LRP1B: variants seen among roughly 807,000 people sequenced by gnomAD.
The protein encoded by LRP1B is LDL receptor related protein 1B.
LRP1B carries 217 observed loss-of-function variants against 556.6 expected under a neutral mutation model. The observed-to-expected ratio is 0.39, with a 90% CI of 0.35 to 0.44. The LOEUF is 0.44. Among genes scored for constraint, LRP1B ranks in the 20% least tolerant of loss-of-function variants. LRP1B has a pLI of 1.00. For synonymous variants in LRP1B, 2,047 were observed against 1,865.8 expected (o/e 1.10, Z -2.50); for missense variants, 5,053 against 5,620.8 (o/e 0.90, Z 3.23).
At chr2:141,052,675 T>C (rs2380922) in intron 10 of LRP1B, among the ~76,000 whole-genome samples, 131,985 of 152,010 alleles carry the variant, frequency 0.87, 57,728 homozygotes, top group Non-Finnish European at 0.92. Context: ...ATGGGAATCC[T>C]GGTTTTACAG....
rs2105090330 is a variant in LRP1B, at chr2:141,480,512, T to C, written c.227A>G (p.Lys76Arg). ...GCAAGCAATGTGATTCAAGGGGCAC[T>C]TGATTTCTACCTCCTCGGGACCTGA... is the stretch of plus-strand genomic sequence containing the variant. ...LDTCPEEVEI[K>R]CPLNHIACLG... Residue 76 changes from lysine to arginine, a missense_variant, in exon 3 of 91, where the codon AAG becomes AGG. By Grantham distance (26) the Lys-to-Arg change is conservative. Coordinates refer to ENST00000389484, the MANE Select transcript of LRP1B (RefSeq NM_018557.3). 1 of 1,613,996 alleles carries C rather than the reference T, an allele frequency of 6.2e-7. No individual in the cohort carries two copies. The highest frequency in any genetic ancestry group is 8.5e-7 in the Non-Finnish European group (1 of 1,179,912).
At chr2:142,059,891 T>C (rs79450356) in intron 1 of LRP1B, among the ~76,000 whole-genome samples, 6,087 of 152,188 alleles carry the variant, frequency 0.04, 407 homozygotes, top group African/African-American at 0.14. Flanking sequence ...TATTTACTTA[T>C]GTGTTAAGTA....
At chr2:140,783,861 T>A (rs11677778) in intron 32 of LRP1B, among the ~76,000 whole-genome samples, 65,383 of 152,030 alleles carry the variant, frequency 0.43, 15,780 homozygotes, top group East Asian at 0.58. Context: ...AGAAGAAGGA[T>A]TACGTGATAA....
chr2:141,567,637 T>C (rs1180618716), intron 2 of LRP1B, among the ~76,000 whole-genome samples: 1 of 151,992 alleles, frequency 6.6e-6, no homozygotes, highest in African/African-American at 2.4e-5. Context: ...ATGACTATTA[T>C]ATGTTAAAAG....
intron 3 of LRP1B, among the ~76,000 whole-genome samples, chr2:141,344,776 G>T (rs552724404): frequency 6.6e-6 from 1 of 152,222 alleles, no homozygotes; most frequent in East Asian, 1.9e-4. Context: ...AGTGAATTAT[G>T]AATGAATACA....
chr2:141,510,877 A>AACGC (rs1684102850), intron 2 of LRP1B, among the ~76,000 whole-genome samples: 1 of 141,258 alleles, frequency 7.1e-6, no homozygotes, highest in Non-Finnish European at 1.5e-5. Flanking sequence ...TCCTTGTCTA[A>AACGC]ACACACACAC....
intron 12 of LRP1B, 86 bp from the exon 13 acceptor site, chr2:141,016,001 A>G (rs1384125594): frequency 1.0e-6 from 1 of 994,524 alleles, no homozygotes; most frequent in African/African-American, 1.6e-5. Context: ...TGGCAGTTCC[A>G]TAAATTCTAG....
In LRP1B at chr2:140,903,060, T is replaced by C. The variant is rs753634088; in HGVS notation, c.3626A>G (p.Asn1209Ser). The change falls in exon 23 of 91, where the codon AAT (asparagine) becomes AGT (serine). Residue 1209 changes from asparagine to serine, a missense_variant. Physicochemically the swap from Asn to Ser is conservative, Grantham distance 46 (BLOSUM62 1). This residue lies in a region of LRP1B where 3,619 missense variants were observed against 3,931.9 expected (regional missense o/e 0.92). Coordinates refer to ENST00000389484, the MANE Select transcript of LRP1B (RefSeq NM_018557.3). ...ATAATCCACAATTTCACATGTTTTA[T>C]TGTCTTTGTTGAGTTGAAGTCCTTC... ...CPEGLQLNKD[N>S]KTCEIVDYCS... 6.2e-7 allele frequency: 1 copy of C among 1,613,698 alleles called. No individual in the cohort carries two copies. Among genetic ancestry groups the C allele is most frequent in the Non-Finnish European group, 8.5e-7 (1 of 1,179,752 alleles).
At chr2:142,021,107 A>G (rs921611050) in intron 1 of LRP1B, among the ~76,000 whole-genome samples, 1 of 152,182 alleles carries the variant, frequency 6.6e-6, no homozygotes, top group Non-Finnish European at 1.5e-5. Flanking sequence ...AGAAGAAAAC[A>G]TATGTTCTCC....
At chr2:140,499,005 C>T (rs549009960) in intron 55 of LRP1B, among the ~76,000 whole-genome samples, 3 of 151,934 alleles carry the variant, frequency 2.0e-5, no homozygotes, top group African/African-American at 4.8e-5. Context: ...ATAACATATG[C>T]GCACACCTTG....
intron 81 of LRP1B, among the ~76,000 whole-genome samples, chr2:140,322,724 A>G (rs1385351046): frequency 6.6e-6 from 1 of 152,028 alleles, no homozygotes; most frequent in Non-Finnish European, 1.5e-5. Context: ...CTTTGCAGTC[A>G]TAGCTGATTT....
chr2:141,249,312 C>T (rs1477229081), intron 4 of LRP1B, among the ~76,000 whole-genome samples: 1 of 152,112 alleles, frequency 6.6e-6, no homozygotes, highest in Non-Finnish European at 1.5e-5. Flanking sequence ...AAAGAGGAAT[C>T]AGGGTGGGAC....
rs921767395 is a variant in LRP1B at position 141,903,955 on chromosome 2, A to G, written c.83-93554T>C. Among the ~76,000 whole-genome samples, 19 of 151,924 alleles carry G rather than the reference A, an allele frequency of 1.3e-4. No individual in the cohort carries two copies. In the South Asian group the frequency reaches 1.7e-3, roughly 13 times the overall value. ...CGAAAACATCTGGGGAATGAACATC[A>G]TGAGAAGAAGCAAGATCAATGTCAG... On this transcript the variant is annotated intron_variant, in intron 1 of 90. Transcript: ENST00000389484.
chr2:141,890,786 G>A (rs1239311761), intron 1 of LRP1B, among the ~76,000 whole-genome samples: 1 of 151,882 alleles, frequency 6.6e-6, no homozygotes, highest in African/African-American at 2.4e-5. Flanking sequence ...GTACTTTAAT[G>A]GATATTTATG....
intron 1 of LRP1B, among the ~76,000 whole-genome samples, chr2:141,860,254 G>A (rs1558923787): frequency 6.6e-6 from 1 of 152,134 alleles, no homozygotes; most frequent in Non-Finnish European, 1.5e-5. Context: ...TGCACCAAAT[G>A]TTAGCACTGT....
In LRP1B at chr2:140,681,206, G is replaced by C. The variant is rs548955336; in HGVS notation, c.6799+19044C>G. 3.1e-4 allele frequency among the ~76,000 whole-genome samples: 47 copies of C among 152,280 alleles called. No individual in the cohort carries two copies. In the South Asian group the frequency reaches 8.9e-3, roughly 29 times the overall value. On this transcript the variant is annotated intron_variant, in intron 41 of 90. Transcript: ENST00000389484. ...CATTATTTCAGACTTTCCAAATGAA[G>C]AGTGCCGAAGAAACACTGAATCACA...
chr2:141,934,671 C>T (rs1044847641), intron 1 of LRP1B, among the ~76,000 whole-genome samples: 8 of 152,024 alleles, frequency 5.3e-5, no homozygotes, highest in Non-Finnish European at 1.0e-4. Context: ...CCATGCTGTT[C>T]TCATGATAGT....
chr2:140,789,601 C>T (rs141898859), intron 32 of LRP1B, among the ~76,000 whole-genome samples: 10 of 144,132 alleles, frequency 6.9e-5, no homozygotes, highest in African/African-American at 2.5e-4. Flanking sequence ...ATGCCAAGCA[C>T]GATCTAGCTT....
At chr2:140,794,683 G>A (rs551960011) in intron 32 of LRP1B, among the ~76,000 whole-genome samples, 2 of 150,836 alleles carry the variant, frequency 1.3e-5, no homozygotes, top group East Asian at 2.0e-4. Flanking sequence ...GTACAATCTC[G>A]GCTCACCACA....
Sources: gnomAD v4.1 joint callset for allele counts (sites outside exome capture counted in the v4.1 genomes callset) on GRCh38, gnomAD v4.1.1 for gene constraint, gnomAD v4.1.1 regional missense constraint, MANE v1.5 for transcripts, NCBI Gene and HGNC (gene_info 2026-07-23, HGNC 2026-07-21) for gene names.